The following SLC6A8 variants were observed in gnomAD, a reference collection of about 807,000 sequenced individuals.
SLC6A8 encodes the protein sodium- and chloride-dependent creatine transporter 1.
In SLC6A8, 6 loss-of-function variants were observed where a neutral mutation model predicts 48.3. The ratio of observed to expected loss-of-function variants is 0.12; its 90% CI spans 0.07 to 0.25. The LOEUF (loss-of-function observed/expected upper bound fraction) is 0.25, where lower values mean the gene tolerates loss of function less well. SLC6A8 is among the 10% of genes least tolerant of loss of function. The pLI, the probability that SLC6A8 is intolerant of heterozygous loss-of-function variation, is 1.00. For missense variants in SLC6A8, 260 were observed against 551.5 expected (o/e 0.47, Z 5.29); for synonymous variants, 245 against 244.0 (o/e 1.00, Z -0.04).
chrX:153,694,009 G>A lies in SLC6A8; in HGVS notation c.1246G>A (p.Asp416Asn). 8.5e-7 allele frequency: 1 copy of A among 1,180,614 alleles called. No individual in the cohort carries two copies. The highest frequency in any genetic ancestry group is 1.1e-6 in the Non-Finnish European group (1 of 877,450). Residue 416 changes from aspartate (D) to asparagine (N), a missense_variant, in exon 8 of 13, where the codon GAC becomes AAC. Around this residue, in one of 7 missense-constraint regions of SLC6A8, gnomAD observed 75 missense variants for 248.8 expected, o/e 0.30. Transcript: ENST00000253122. ...FFFMLLLLGLDSQFVGVEGFI... is the reference protein window; with the variant it reads ...FFFMLLLLGLNSQFVGVEGFI... The stretch of plus-strand genomic sequence containing the variant: ...CTTCATGCTGTTGCTGCTTGGTCTC[G>A]ACAGCCAGGTTTGCATGGGGCTCTG...
chrX:153,692,812 C>G (rs1453159800), intron 4 of SLC6A8: 1 of 487,059 alleles, frequency 2.1e-6, no homozygotes, highest in African/African-American at 2.3e-5. Flanking sequence ...TGCTCCCCAC[C>G]GACACGCGTC....
chrX:153,689,015 C>G (rs1202628666), intron 1 of SLC6A8, 179 bp downstream of exon 1: 2 of 141,156 alleles, frequency 1.4e-5, no homozygotes, highest in Non-Finnish European at 2.7e-5. Context: ...GCCTCCACCC[C>G]CCTCGCAGTC....
rs1379981266 is a variant in SLC6A8, at chrX:153,694,830, C to G, written c.1708C>G (p.Leu570Val). 8.3e-7 allele frequency: 1 copy of G among 1,208,053 alleles called. No individual in the cohort carries two copies. The highest frequency in any genetic ancestry group is 1.7e-5 in the African/African-American group (1 of 57,546). Residue 570 changes from leucine (L) to valine (V), a missense_variant, in exon 12 of 13, where the codon CTG becomes GTG. Physicochemically the swap from Leu to Val is conservative, Grantham distance 32. Coordinates refer to ENST00000253122, the MANE Select transcript of SLC6A8 (RefSeq NM_005629.4). ...MGWAFALSSM[L>V]CVPLHLLGCL... Reference sequence around the variant, plus strand: ...CTGGGCCTTCGCCCTGTCCTCCATGCTGTGCGTGCCGCTGCACCTCCTGGG... The same window carrying G: ...CTGGGCCTTCGCCCTGTCCTCCATGGTGTGCGTGCCGCTGCACCTCCTGGG...
chrX:153,694,797 G>A lies in SLC6A8; in HGVS notation c.1675G>A (p.Ala559Thr). ...CTACGTGTACCCGTGGTGGGGTGAGGCCATGGGCTGGGCCTTCGCCCTGTC... is the reference window on the plus strand; with the variant it reads ...CTACGTGTACCCGTGGTGGGGTGAGACCATGGGCTGGGCCTTCGCCCTGTC... ...NTYVYPWWGE[A>T]MGWAFALSSM... Residue 559 changes from alanine to threonine, a missense_variant, in exon 12 of 13, where the codon GCC (alanine) becomes ACC (threonine). By Grantham distance (58) the Ala-to-Thr change is moderately conservative. Around this residue, in one of 7 missense-constraint regions of SLC6A8, gnomAD observed 87 missense variants for 120.9 expected, o/e 0.72. Transcript: ENST00000253122. The A allele has an allele frequency of 8.3e-7, 1 of 1,209,952 alleles. No homozygotes were observed. The highest frequency in any genetic ancestry group is 1.1e-6 in the Non-Finnish European group (1 of 894,446).
intron 3 of SLC6A8, 47 bp from the exon 4 acceptor site, chrX:153,691,928 C>T (rs782020525): frequency 3.5e-6 from 4 of 1,155,091 alleles, no homozygotes; most frequent in Non-Finnish European, 4.7e-6. Flanking sequence ...CCTGTGGCTC[C>T]ATCCTCTGCT....
Position 153,694,577 on chromosome X carries a change from C to T in SLC6A8, c.1540C>T (p.Arg514Ter), listed in dbSNP as rs122453113. The T allele has an allele frequency of 8.3e-7, 1 of 1,206,465 alleles. No homozygotes were observed. The highest frequency in any genetic ancestry group is 2.3e-4 in the Middle Eastern group (1 of 4,258). ...MDDIACMIGY[R>*]PCPWMKWCWS... ...CGACATTGCCTGTATGATCGGGTAC[C>T]GACCTTGCCCCTGGATGAAATGGTG... Residue 514 changes from arginine to a stop codon, truncating the protein, a stop_gained, in exon 11 of 13, where the codon CGA becomes TGA. Coordinates refer to ENST00000253122, the MANE Select transcript of SLC6A8 (RefSeq NM_005629.4). LOFTEE classifies it high-confidence loss of function.
At position 153,693,194 on chromosome X, in the gene SLC6A8, G is replaced by A. The variant is rs782518872; in HGVS notation, c.912+19G>A. On this transcript the variant is annotated intron_variant, in intron 5 of 12. Coordinates refer to ENST00000253122, the MANE Select transcript of SLC6A8 (RefSeq NM_005629.4). ...CCCTCAGGTGAGGTGGAGGTGGAGA[G>A]GCTGCAGCAGGGCGCTGCGGGGGAG... is the stretch of plus-strand genomic sequence containing the variant. The A allele has an allele frequency of 1.3e-5, 16 of 1,210,930 alleles. No individual in the cohort carries two copies. In the Admixed American group the frequency reaches 3.3e-4, roughly 25 times the overall value.
chrX:153,691,021 A>G (rs1413903203), intron 2 of SLC6A8: 1 of 324,311 alleles, frequency 3.1e-6, no homozygotes, highest in Non-Finnish European at 5.6e-6. Context: ...GGCCAGGTGT[A>G]TGAGGCTGGA....
At position 153,692,009 on chromosome X, in the gene SLC6A8, G is replaced by A. The variant is rs782787734; in HGVS notation, c.679G>A (p.Val227Met). Reference protein sequence around the residue: ...KVLRLSGGLEVPGALNWEVTL... With the variant: ...KVLRLSGGLEMPGALNWEVTL... ...CTTGAGGCTGTCTGGGGGACTGGAG[G>A]TGCCAGGGGCCCTCAACTGGGAGGT... Residue 227 changes from valine to methionine, a missense_variant, in exon 4 of 13, where the codon GTG (valine) becomes ATG (methionine). Val to Met is a conservative substitution (Grantham distance 21, BLOSUM62 1). Around this residue, in one of 7 missense-constraint regions of SLC6A8, gnomAD observed 75 missense variants for 248.8 expected, o/e 0.30. Transcript: ENST00000253122. 8.4e-7 allele frequency: 1 copy of A among 1,189,990 alleles called. No homozygotes were observed. The highest frequency in any genetic ancestry group is 1.8e-5 in the South Asian group (1 of 55,285).
rs1275217900 is a variant in SLC6A8, at chrX:153,690,899, C to CG, written c.394+393_394+394insG. 1.6e-3 allele frequency: 392 copies of CG among 238,472 alleles called. 3 individuals carry two copies. Among genetic ancestry groups the CG allele is most frequent in the Non-Finnish European group, 2.6e-3 (341 of 131,769 alleles). The allele number at this position is 238,472 out of a possible 1,213,427, so 19.7% of individuals were successfully genotyped here. On this transcript the variant is annotated intron_variant, in intron 2 of 12. Transcript: ENST00000253122. ...TACCTCAGGCGACTAGAAACCCCCCCCCCCCACCACCACCATCAACACCAG... is the reference window on the plus strand; with the variant it reads ...TACCTCAGGCGACTAGAAACCCCCCCGCCCCCACCACCACCATCAACACCAG...
Position 153,695,283 on chromosome X carries a change from C to T in SLC6A8, c.*69C>T. The T allele has an allele frequency of 9.2e-7, 1 of 1,084,641 alleles. No individual in the cohort carries two copies. The highest frequency in any genetic ancestry group is 1.3e-6 in the Non-Finnish European group (1 of 797,838). 89.4% of individuals were successfully genotyped at this position (1,084,641 alleles called of 1,213,427 possible). A position where few individuals can be genotyped will look rare whatever the true frequency, so the allele number is the denominator to read the frequency against. On this transcript the variant is annotated 3_prime_UTR_variant, in exon 13 of 13. Coordinates refer to ENST00000253122, the MANE Select transcript of SLC6A8 (RefSeq NM_005629.4). ...GCCCCTGCTTCAGCCCCACCGCACC[C>T]CTCCAGGGGGCCTGCCTTTCCCTGA...
chrX:153,690,655 C>A, intron 2 of SLC6A8, 149 bp downstream of exon 2: 1 of 651,182 alleles, frequency 1.5e-6, no homozygotes, highest in Non-Finnish European at 2.4e-6. Flanking sequence ...ATGTTCAGGC[C>A]GCACAGCGAA....
chrX:153,691,227 C>G, intron 2 of SLC6A8, 77 bp from the exon 3 acceptor site: 1 of 1,103,956 alleles, frequency 9.1e-7, no homozygotes, highest in Non-Finnish European at 1.2e-6. Flanking sequence ...CACGGCCAGC[C>G]TGGGTGGGGA....
At chrX:153,690,563 T>G in intron 2 of SLC6A8, 57 bp downstream of exon 2, 1 of 1,123,649 alleles carries the variant, frequency 8.9e-7, no homozygotes. Context: ...TGGCTCCCAC[T>G]TGAGAAATCT....
chrX:153,690,892 A>ACCCCCCCCCCCCCCCCCCCCCCCC (rs34305716), intron 2 of SLC6A8: 1 of 139,213 alleles, frequency 7.2e-6, no homozygotes, highest in African/African-American at 5.5e-5. Flanking sequence ...GCGACTAGAA[A>ACCCCCCCCCCCCCCCCCCCCCCCC]CCCCCCCCCC....
chrX:153,691,446 C>G lies in SLC6A8; in HGVS notation c.537C>G (p.Pro179=), dbSNP rs202136567. ...WATCGHTWNT[P]DCVEIFRHED... is the part of the protein sequence containing the mutation. ...CATGTGGCCACACCTGGAACACTCC[C>G]GACTGCGTGGAGATCTTCCGCCATG... Residue 179 remains proline (P), a synonymous_variant, in exon 3 of 13, where the codon CCC becomes CCG. Coordinates refer to ENST00000253122, the MANE Select transcript of SLC6A8 (RefSeq NM_005629.4). 1.7e-6 allele frequency: 2 copies of G among 1,211,836 alleles called. No homozygotes were observed. Among genetic ancestry groups the G allele is most frequent in the South Asian group, 3.5e-5 (2 of 57,035 alleles).
In SLC6A8 at chrX:153,688,621, A is replaced by G. The variant is rs1557043763; in HGVS notation, c.47A>G (p.Asp16Gly). Residue 16 changes from aspartate to glycine, a missense_variant, in exon 1 of 13, where the codon GAC becomes GGC. Coordinates refer to ENST00000253122, the MANE Select transcript of SLC6A8 (RefSeq NM_005629.4). ...AACGGCATCTATAGCGTGTCCGGCGACGAGAAGAAGGGCCCCCTCATCGCG... is the reference window on the plus strand; with the variant it reads ...AACGGCATCTATAGCGTGTCCGGCGGCGAGAAGAAGGGCCCCCTCATCGCG... ...AENGIYSVSG[D>G]EKKGPLIAPG... The G allele has an allele frequency of 9.3e-7, 1 of 1,076,155 alleles. No homozygotes were observed. The highest frequency in any genetic ancestry group is 3.3e-5 in the Admixed American group (1 of 29,995). 88.7% of individuals were successfully genotyped at this position (1,076,155 alleles called of 1,213,427 possible). A position where few individuals can be genotyped will look rare whatever the true frequency, so the allele number is the denominator to read the frequency against.
At chrX:153,688,892 C>T (rs1214901991) in intron 1 of SLC6A8, 56 bp downstream of exon 1, 29 of 817,847 alleles carry the variant, frequency 3.5e-5, no homozygotes, top group Admixed American at 1.3e-4. Flanking sequence ...GGCCCCCGCC[C>T]GACCCCCGGA....
intron 1 of SLC6A8, among the ~76,000 whole-genome samples, chrX:153,690,065 G>A (rs1414408827): frequency 8.8e-6 from 1 of 113,218 alleles, no homozygotes; most frequent in Non-Finnish European, 1.9e-5. Context: ...GACAGCCCGC[G>A]TGTCTGAGCG....
Sources: gnomAD v4.1 joint callset for allele counts (sites outside exome capture counted in the v4.1 genomes callset) on GRCh38, gnomAD v4.1.1 for gene constraint, gnomAD v4.1.1 regional missense constraint, MANE v1.5 for transcripts, NCBI Gene and HGNC (gene_info 2026-07-23, HGNC 2026-07-21) for gene names.